RBM6: variants seen among roughly 807,000 people sequenced by gnomAD.
RBM6 encodes RNA-binding protein 6.
RBM6 carries 23 observed loss-of-function variants against 140.4 expected under a neutral mutation model. The ratio of observed to expected loss-of-function variants is 0.16; its 90% CI spans 0.12 to 0.23. RBM6 has a LOEUF of 0.23. Ranked by LOEUF, RBM6 falls within the 10% of genes least tolerant of loss-of-function variation. The pLI is 1.00. For synonymous variants in RBM6, 439 were observed against 475.6 expected (o/e 0.92, Z 1.00); for missense variants, 1,139 against 1,386.7 (o/e 0.82, Z 2.84).
chr3:50,024,997 C>T (rs1424818674), intron 6 of RBM6, among the ~76,000 whole-genome samples: 1 of 126,192 alleles, frequency 7.9e-6, no homozygotes, highest in African/African-American at 3.0e-5. Flanking sequence ...TCTCAAAAAA[C>T]AAAAAACAAA....
chr3:49,987,748 C>T (rs112222273), intron 5 of RBM6, among the ~76,000 whole-genome samples: 12,011 of 152,098 alleles, frequency 0.079, 528 homozygotes, highest in African/African-American at 0.1. Flanking sequence ...AAACAATTCC[C>T]CTGCCTCAGC....
chr3:50,057,449 G>A (rs1363661127), intron 8 of RBM6, among the ~76,000 whole-genome samples: 2 of 151,914 alleles, frequency 1.3e-5, no homozygotes, highest in Admixed American at 6.6e-5. Context: ...TTACCTGGGC[G>A]TGGTGGTGGG....
In RBM6 at chr3:49,962,658, G is replaced by A. The variant is rs370507974; in HGVS notation, c.17G>A (p.Arg6Gln). Reference protein sequence around the residue: MWGDSRPANRTGPFRG... With the variant: MWGDSQPANRTGPFRG... ...TAAAAAGAGATGTGGGGGGATTCTC[G>A]ACCTGCTAACAGAACTGGACCTTTT... The change falls in exon 2 of 21, where the codon CGA becomes CAA. Residue 6 changes from arginine to glutamine, a missense_variant. Physicochemically the swap from Arg to Gln is conservative, Grantham distance 43. Around this residue, in one of 9 missense-constraint regions of RBM6, gnomAD observed 566 missense variants for 612.7 expected, o/e 0.92. Transcript: ENST00000266022. 7.0e-6 allele frequency: 11 copies of A among 1,579,904 alleles called. No homozygotes were observed. Among genetic ancestry groups the A allele is most frequent in the South Asian group, 2.4e-5 (2 of 83,802 alleles).
intron 15 of RBM6, among the ~76,000 whole-genome samples, 164 bp downstream of exon 15, chr3:50,062,272 A>G (rs1409362265): frequency 6.6e-6 from 1 of 152,188 alleles, no homozygotes; most frequent in Non-Finnish European, 1.5e-5. Flanking sequence ...TGGGAGGCCA[A>G]GGCGGGCGGA....
At chr3:50,045,444 C>G (rs1222394602) in intron 6 of RBM6, among the ~76,000 whole-genome samples, 2 of 152,202 alleles carry the variant, frequency 1.3e-5, no homozygotes, top group Non-Finnish European at 2.9e-5. Flanking sequence ...ATTCATTCAA[C>G]AAGAGCTTAC....
intron 5 of RBM6, among the ~76,000 whole-genome samples, chr3:49,998,440 T>C (rs1406510306): frequency 3.3e-5 from 5 of 152,206 alleles, no homozygotes; most frequent in Non-Finnish European, 7.3e-5. Context: ...TTCTTTATCC[T>C]CTGAGGCAGT....
At chr3:50,010,036 A>G (rs1379489662) in intron 6 of RBM6, among the ~76,000 whole-genome samples, 3 of 151,380 alleles carry the variant, frequency 2.0e-5, no homozygotes, top group Non-Finnish European at 4.4e-5. Flanking sequence ...TTACAGGCAC[A>G]CCACCACACC....
chr3:49,982,085 C>T (rs146001049), intron 5 of RBM6, among the ~76,000 whole-genome samples: 2 of 152,050 alleles, frequency 1.3e-5, no homozygotes, highest in African/African-American at 2.4e-5. Flanking sequence ...TGCTTTAGCC[C>T]GTCAGTGTTC....
chr3:49,990,679 C>G (rs927502443), intron 5 of RBM6, among the ~76,000 whole-genome samples: 5 of 152,104 alleles, frequency 3.3e-5, no homozygotes, highest in Middle Eastern at 3.4e-3. Context: ...TGGGGGAAAC[C>G]TTAACTAAGA....
At chr3:49,987,187 C>T (rs2085603405) in intron 5 of RBM6, among the ~76,000 whole-genome samples, 1 of 152,098 alleles carries the variant, frequency 6.6e-6, no homozygotes, top group Admixed American at 6.5e-5. Flanking sequence ...ATTCTCCTGC[C>T]TCAGCCTCCC....
At chr3:49,982,635 C>T (rs1048941758) in intron 5 of RBM6, among the ~76,000 whole-genome samples, 3 of 150,242 alleles carry the variant, frequency 2.0e-5, no homozygotes, top group African/African-American at 7.4e-5. Flanking sequence ...CCAGGCTGGT[C>T]TTGAACTCCC....
At chr3:49,987,182 C>T (rs1008659293) in intron 5 of RBM6, among the ~76,000 whole-genome samples, 4 of 152,168 alleles carry the variant, frequency 2.6e-5, no homozygotes, top group South Asian at 4.1e-4. Flanking sequence ...AAGCAATTCT[C>T]CTGCCTCAGC....
intron 7 of RBM6, among the ~76,000 whole-genome samples, chr3:50,048,629 G>A (rs2089325749): frequency 6.6e-6 from 1 of 152,246 alleles, no homozygotes; most frequent in African/African-American, 2.4e-5. Context: ...TCTCCTGGGG[G>A]TGGTCATAAA....
In RBM6 at chr3:50,061,858, A is replaced by G. The variant is rs1046567762; in HGVS notation, c.2440-104A>G. On this transcript the variant is annotated intron_variant, in intron 14 of 20. Transcript: ENST00000266022. ...TGGACTCTTCTTAGACTTGTAAGTAAAAAAGTTGTTTCTTCCCCTAAAAGG... is the reference window on the plus strand; with the variant it reads ...TGGACTCTTCTTAGACTTGTAAGTAGAAAAGTTGTTTCTTCCCCTAAAAGG... 2.8e-6 allele frequency: 4 copies of G among 1,435,532 alleles called. No homozygotes were observed. In the African/African-American group the frequency reaches 4.4e-5, roughly 16 times the overall value. The allele number at this position is 1,435,532 out of a possible 1,614,324, so 88.9% of individuals were successfully genotyped here. A position where few individuals can be genotyped will look rare whatever the true frequency, so the allele number is the denominator to read the frequency against.
rs1484197664 is a variant in RBM6, at chr3:49,967,900, G to T, written c.475G>T (p.Asp159Tyr). ...EAPHMNYRDR[D>Y]AHAVDFRGRD... ...ACCTCATATGAACTACAGAGACAGG[G>T]ATGCTCACGCTGTTGACTTCAGAGG... Residue 159 changes from aspartate (D) to tyrosine (Y), a missense_variant, in exon 3 of 21, where the codon GAT (aspartate) becomes TAT (tyrosine). Coordinates refer to ENST00000266022, the MANE Select transcript of RBM6 (RefSeq NM_005777.3). This position sits in a 1 kb window ranked among gnomAD's most constrained non-coding sequence, Gnocchi z 4.0. The T allele has an allele frequency of 1.9e-6, 3 of 1,613,922 alleles. No homozygotes were observed. In the African/African-American group the frequency reaches 4.0e-5, roughly 22 times the overall value.
chr3:49,980,988 C>T lies in RBM6; in HGVS notation c.1483+5596C>T, dbSNP rs555143977. Among the ~76,000 whole-genome samples, 10 of 151,674 alleles carry T rather than the reference C, an allele frequency of 6.6e-5. 1 individual carries two copies. The South Asian group carries it at 1.0e-3, about 16-fold the overall frequency. On this transcript the variant is annotated intron_variant, in intron 5 of 20. Transcript: ENST00000266022. ...CGCGATATCGGCTCACTGCAACCTC[C>T]GCCTCCTGGGTTCAAGCGATTCTCC...
In RBM6 at chr3:50,020,821, G is replaced by A. The variant is rs571234825; in HGVS notation, c.1557+21308G>A. Among the ~76,000 whole-genome samples, 12 of 152,152 alleles carry A rather than the reference G, an allele frequency of 7.9e-5. No individual in the cohort carries two copies. The South Asian group carries it at 2.1e-3, about 26-fold the overall frequency. ...CACAGTAGTATCTAAAGATAGAAAC[G>A]GTACAGTGAAAATACAGTATTTCAG... On this transcript the variant is annotated intron_variant, in intron 6 of 20. Transcript: ENST00000266022.
At chr3:49,953,627 C>T (rs71326904) in intron 1 of RBM6, among the ~76,000 whole-genome samples, 33,001 of 151,420 alleles carry the variant, frequency 0.22, 3,897 homozygotes, top group Middle Eastern at 0.27. Context: ...TCAAGTGATC[C>T]TTCTGCCACA....
In RBM6 at chr3:50,075,119, G is replaced by T; in HGVS notation, c.3117-82G>T. On this transcript the variant is annotated intron_variant, in intron 19 of 20. Coordinates refer to ENST00000266022, the MANE Select transcript of RBM6 (RefSeq NM_005777.3). The stretch of plus-strand genomic sequence containing the variant: ...TGCAGTAAGCTGAGTTCGAGCCATT[G>T]CACTCCAGCCTGGGCAAAAAGAGTG... The T allele has an allele frequency of 1.3e-6, 2 of 1,511,296 alleles. 1 individual carries two copies. 93.6% of individuals were successfully genotyped at this position (1,511,296 alleles called of 1,614,324 possible). A position where few individuals can be genotyped will look rare whatever the true frequency, so the allele number is the denominator to read the frequency against.
Sources: allele counts gnomAD v4.1 joint callset (sites outside exome capture counted in the v4.1 genomes callset), GRCh38; gene constraint gnomAD v4.1.1; regional missense constraint gnomAD v4.1.1; non-coding constraint Gnocchi (gnomAD v3.1); transcripts MANE v1.5; gene names NCBI Gene and HGNC (gene_info 2026-07-23, HGNC 2026-07-21).